IFT20: variants seen among roughly 807,000 people sequenced by gnomAD.
IFT20 encodes the protein intraflagellar transport protein 20 homolog.
IFT20 carries 4 observed loss-of-function variants against 16.9 expected under a neutral mutation model. That is an observed-to-expected ratio of 0.24 (90% CI 0.12 to 0.54). The LOEUF (loss-of-function observed/expected upper bound fraction) is 0.54. Ranked by LOEUF, IFT20 falls within the 20% of genes least tolerant of loss-of-function variation. The pLI is 0.95. For synonymous variants in IFT20, 48 were observed against 49.9 expected (o/e 0.96, Z 0.16); for missense variants, 154 against 149.7 (o/e 1.03, Z -0.15).
intron 3 of IFT20, 135 bp downstream of exon 3, chr17:28,330,308 G>A: frequency 1.4e-6 from 1 of 690,786 alleles, no homozygotes; most frequent in South Asian, 1.6e-5. Flanking sequence ...TGGACCAGAA[G>A]TTATTAAAAT....
intron 2 of IFT20, chr17:28,331,339 G>T (rs782365666): frequency 6.4e-6 from 1 of 156,918 alleles, no homozygotes; most frequent in African/African-American, 2.4e-5. Context: ...GAAGTCCCTT[G>T]TTCTAGCTAG....
chr17:28,332,356 G>A, intron 1 of IFT20: 1 of 694,808 alleles, frequency 1.4e-6, no homozygotes, highest in East Asian at 2.9e-5. Context: ...GCAACACGGT[G>A]CCCGCCCTGA....
At chr17:28,330,661 G>A (rs578114960) in intron 2 of IFT20, 133 bp from the exon 3 acceptor site, 1 of 655,202 alleles carries the variant, frequency 1.5e-6, no homozygotes, top group African/African-American at 1.8e-5. Context: ...GTGTGGGCCA[G>A]GCGTGGTGGA....
intron 1 of IFT20, chr17:28,332,332 G>T: frequency 1.1e-6 from 1 of 878,300 alleles, no homozygotes; most frequent in Non-Finnish European, 1.7e-6. Flanking sequence ...GATGCTGGGG[G>T]TACAAAGATG....
intron 2 of IFT20, among the ~76,000 whole-genome samples, chr17:28,330,951 C>A (rs115420359): frequency 6.6e-6 from 1 of 152,336 alleles, no homozygotes; most frequent in African/African-American, 2.4e-5. Context: ...AAGCACTAGG[C>A]CCTTGCTGGG....
Position 28,330,235 on chromosome 17 carries a change from CAAAAA to C in IFT20, c.213+203_213+207del, listed in dbSNP as rs34843464. The C allele has an allele frequency of 9.8e-4, 519 of 527,288 alleles. 2 individuals are homozygous for C. The African/African-American group carries it at 0.011, about 11-fold the overall frequency. 32.7% of individuals were successfully genotyped at this position (527,288 alleles called of 1,614,324 possible). ...TGGGTGACACAGCAAGACTCTGTCT[CAAAAA>C]AAAAAAAAAAATAAAGATTAAAGGA... is the stretch of plus-strand genomic sequence containing the variant. On this transcript the variant is annotated intron_variant, in intron 3 of 4. Coordinates refer to ENST00000395418, the MANE Select transcript of IFT20 (RefSeq NM_001267776.2).
In IFT20 at chr17:28,328,425, T is replaced by A. The variant is rs1243780246; in HGVS notation, c.*227A>T. 4.2e-6 allele frequency: 2 copies of A among 473,192 alleles called. No homozygotes were observed. The highest frequency in any genetic ancestry group is 7.4e-6 in the Non-Finnish European group (2 of 268,460). The allele number at this position is 473,192 out of a possible 1,614,324, so 29.3% of individuals were successfully genotyped here. A position where few individuals can be genotyped will look rare whatever the true frequency, so the allele number is the denominator to read the frequency against. The stretch of plus-strand genomic sequence containing the variant: ...CAAACTGCTTAGTTCCAACTAAGCA[T>A]AAGAGGTGAGAACGTACACTGCAGG... On this transcript the variant is annotated 3_prime_UTR_variant, in exon 5 of 5. Transcript: ENST00000395418.
chr17:28,329,535 CCA>C, intron 3 of IFT20: 1 of 422,946 alleles, frequency 2.4e-6, no homozygotes, highest in Non-Finnish European at 4.2e-6. Context: ...TTTGGTGGTG[CCA>C]TTCAGCCTTG....
At chr17:28,332,253 C>T (rs1555576705) in intron 1 of IFT20, 11 of 1,518,940 alleles carry the variant, frequency 7.2e-6, no homozygotes, top group Non-Finnish European at 9.7e-6. Flanking sequence ...ATAAAGTCCG[C>T]TTGCTTGTCA....
At chr17:28,329,482 C>G in intron 3 of IFT20, 1 of 538,110 alleles carries the variant, frequency 1.9e-6, no homozygotes, top group South Asian at 2.5e-5. Context: ...TGAGGCAGGT[C>G]TAGGAGTATT....
At chr17:28,329,322 C>A in intron 3 of IFT20, 46 bp from the exon 4 acceptor site, 1 of 1,462,778 alleles carries the variant, frequency 6.8e-7, no homozygotes, top group Non-Finnish European at 9.5e-7. Flanking sequence ...AAACCATCTA[C>A]AGCATCAAGT....
chr17:28,330,378 G>GTCTTCCCTT (rs1555576343), intron 3 of IFT20, 65 bp downstream of exon 3: 1 of 1,070,852 alleles, frequency 9.3e-7, no homozygotes, highest in South Asian at 1.3e-5. Context: ...AGAGGGAAGA[G>GTCTTCCCTT]GGATGAGAGG....
Position 28,328,584 on chromosome 17 carries a change from G to A in IFT20, c.*68C>T, listed in dbSNP as rs1555575897. 1 of 963,626 alleles carries A rather than the reference G, an allele frequency of 1.0e-6. No individual in the cohort carries two copies. Among genetic ancestry groups the A allele is most frequent in the Non-Finnish European group, 1.6e-6 (1 of 622,146 alleles). The allele number at this position is 963,626 out of a possible 1,614,324, so 59.7% of individuals were successfully genotyped here. Reference sequence around the variant, plus strand: ...TTGGTCAAGCCGCTGGAATGCTACAGAGGTTTTTTTGGTTTTGAGAGGCTT... The same window carrying A: ...TTGGTCAAGCCGCTGGAATGCTACAAAGGTTTTTTTGGTTTTGAGAGGCTT... On this transcript the variant is annotated 3_prime_UTR_variant, in exon 5 of 5. Coordinates refer to ENST00000395418, the MANE Select transcript of IFT20 (RefSeq NM_001267776.2).
At chr17:28,333,052 T>C (rs1906891067) in intron 1 of IFT20, among the ~76,000 whole-genome samples, 1 of 141,970 alleles carries the variant, frequency 7.0e-6, no homozygotes, top group African/African-American at 2.7e-5. Flanking sequence ...TACTGAAAAC[T>C]CACTCTTGTT....
chr17:28,330,782 G>A (rs1342969829), intron 2 of IFT20, among the ~76,000 whole-genome samples: 1 of 152,198 alleles, frequency 6.6e-6, no homozygotes, highest in Non-Finnish European at 1.5e-5. Flanking sequence ...TTCCAGCCTG[G>A]GGAACATAGC....
At position 28,328,337 on chromosome 17, in the gene IFT20, CA is replaced by C. The variant is rs1230816773; in HGVS notation, c.*314del. On this transcript the variant is annotated 3_prime_UTR_variant, in exon 5 of 5. Transcript: ENST00000395418. ...AAAGGTACATCAAGCCATTTGAAAA[CA>C]AAAATTTATTGCTTCTCCTTCCAAA... 3 of 258,460 alleles carry C rather than the reference CA, an allele frequency of 1.2e-5. No individual in the cohort carries two copies. The highest frequency in any genetic ancestry group is 2.2e-5 in the Non-Finnish European group (3 of 137,256). The allele number at this position is 258,460 out of a possible 1,614,324, so 16.0% of individuals were successfully genotyped here.
chr17:28,329,142 A>G (rs1555576020), intron 4 of IFT20, 31 bp downstream of exon 4: 1 of 1,467,632 alleles, frequency 6.8e-7, no homozygotes, highest in East Asian at 2.3e-5. Flanking sequence ...TCAGCTGTGT[A>G]AAGAACTTGC....
At chr17:28,332,984 C>T (rs1240120481) in intron 1 of IFT20, among the ~76,000 whole-genome samples, 4 of 151,626 alleles carry the variant, frequency 2.6e-5, no homozygotes, top group Admixed American at 6.6e-5. Flanking sequence ...ATATCTTCTC[C>T]CTTACCAAGC....
At chr17:28,334,839 G>A (rs1373959546) in intron 1 of IFT20, among the ~76,000 whole-genome samples, 2 of 152,216 alleles carry the variant, frequency 1.3e-5, no homozygotes, top group East Asian at 1.9e-4. Flanking sequence ...TTGGGGATAA[G>A]AGAAAAACAA....
Sources: allele counts gnomAD v4.1 joint callset (sites outside exome capture counted in the v4.1 genomes callset), GRCh38; gene constraint gnomAD v4.1.1; transcripts MANE v1.5; gene names NCBI Gene and HGNC (gene_info 2026-07-23, HGNC 2026-07-21).